Variants in ADSS1 observed in about 807,000 individuals in gnomAD.
ADSS1 encodes adenylosuccinate synthase 1.
A neutral mutation model predicts 59.1 loss-of-function variants in ADSS1; 57 were observed. The ratio of observed to expected loss-of-function variants is 0.97; its 90% confidence interval spans 0.78 to 1.20. The LOEUF is 1.20. Ranked by LOEUF, ADSS1 falls within the 50% of genes most tolerant of loss-of-function variation. The pLI, the probability that ADSS1 is intolerant of heterozygous loss-of-function variation, is 0.00. For missense variants in ADSS1, 603 were observed against 610.3 expected, an observed-to-expected ratio of 0.99 and a Z score of 0.13; for synonymous variants, 247 against 249.4, an observed-to-expected ratio of 0.99 and a Z score of 0.09.
chr14:104,730,765 T>A lies in ADSS1; in HGVS notation c.193-4255T>A, dbSNP rs552747412. Among the ~76,000 whole-genome samples the A allele has an allele frequency of 2.6e-5, 4 of 152,066 alleles. No individual in the cohort carries two copies. The South Asian group carries it at 8.3e-4, about 32-fold the overall frequency. On this transcript the variant is annotated intron_variant, in intron 1 of 12. Transcript: ENST00000330877. ...ATAGGGCTGGCCACAGGGCCGTGCC[T>A]TCCCTGGCCCCCAGAGGGGTGAGTT...
chr14:104,733,453 G>A (rs532974587), intron 1 of ADSS1, among the ~76,000 whole-genome samples: 7 of 152,336 alleles, frequency 4.6e-5, no homozygotes, highest in South Asian at 2.1e-4. Context: ...GCCCTGCCAC[G>A]AGGCGCCGGG....
intron 5 of ADSS1, among the ~76,000 whole-genome samples, 164 bp downstream of exon 5, chr14:104,739,980 C>G (rs968253882): frequency 6.6e-6 from 1 of 152,136 alleles, no homozygotes; most frequent in Non-Finnish European, 1.5e-5. Flanking sequence ...TCACCCAACC[C>G]CCGGACGAGC....
At chr14:104,742,433 G>A (rs575611936) in intron 9 of ADSS1, among the ~76,000 whole-genome samples, 1 of 152,332 alleles carries the variant, frequency 6.6e-6, no homozygotes, top group Non-Finnish European at 1.5e-5. Flanking sequence ...GCTAGAATTG[G>A]GGCTGAAAGC....
At chr14:104,728,614 G>T (rs777065179) in intron 1 of ADSS1, among the ~76,000 whole-genome samples, 25 of 152,212 alleles carry the variant, frequency 1.6e-4, no homozygotes, top group Non-Finnish European at 3.7e-4. Context: ...GGGCGCCAGG[G>T]CCCCTTGCTC....
At chr14:104,736,196 G>A (rs1891115894) in intron 2 of ADSS1, among the ~76,000 whole-genome samples, 2 of 152,240 alleles carry the variant, frequency 1.3e-5, no homozygotes, top group South Asian at 2.1e-4. Flanking sequence ...AGGACAGTGT[G>A]GGGGCGGTCC....
chr14:104,738,393 C>T lies in ADSS1; in HGVS notation c.313C>T (p.His105Tyr), dbSNP rs1318152839. The T allele has an allele frequency of 2.5e-6, 4 of 1,613,910 alleles. No homozygotes were observed. The highest frequency in any genetic ancestry group is 2.7e-5 in the African/African-American group (2 of 74,946). ...TCATGCAGGCAACGGGGTGGTCATC[C>T]ACTTGCCAGGCTTGTTTGAGGAAGC... is the stretch of plus-strand genomic sequence containing the variant. ...VSFIGNGVVI[H>Y]LPGLFEEAEK... The change falls in exon 3 of 13, where the codon CAC becomes TAC. Residue 105 changes from histidine to tyrosine, a missense_variant. Coordinates refer to ENST00000330877, the MANE Select transcript of ADSS1 (RefSeq NM_152328.5).
intron 1 of ADSS1, among the ~76,000 whole-genome samples, chr14:104,724,958 G>A (rs1220034809): frequency 6.6e-6 from 1 of 152,230 alleles, no homozygotes; most frequent in East Asian, 1.9e-4. Context: ...CTGCCTGCTG[G>A]GTGGGGGTGA....
intron 11 of ADSS1, chr14:104,745,785 T>G (rs1343287063): frequency 6.5e-6 from 1 of 154,510 alleles, no homozygotes; most frequent in African/African-American, 2.4e-5. Context: ...ATCTTCCATC[T>G]GTAAGGGTGG....
chr14:104,725,241 G>C (rs1362966626), intron 1 of ADSS1, among the ~76,000 whole-genome samples: 2 of 152,184 alleles, frequency 1.3e-5, no homozygotes, highest in Non-Finnish European at 2.9e-5. Flanking sequence ...CTGCACACTG[G>C]GCACTCTCTC....
At chr14:104,733,668 CGT>C (rs1891013620) in intron 1 of ADSS1, among the ~76,000 whole-genome samples, 1 of 152,094 alleles carries the variant, frequency 6.6e-6, no homozygotes, top group Non-Finnish European at 1.5e-5. Context: ...ATCCCCCATG[CGT>C]AGACAAGTTG....
At position 104,739,322 on chromosome 14, in the gene ADSS1, C is replaced by T. The variant is rs369643536; in HGVS notation, c.359-6C>T. On this transcript the variant is annotated splice_polypyrimidine_tract_variant and splice_region_variant and intron_variant, in intron 3 of 12. Coordinates refer to ENST00000330877, the MANE Select transcript of ADSS1 (RefSeq NM_152328.5). ...ACTGACCCACCTGTGTGCCGTGTCC[C>T]CGCAGGCCTGAAGGACTGGGAGAAG... The T allele has an allele frequency of 7.7e-5, 124 of 1,607,650 alleles. 1 individual carries two copies. The African/African-American group carries it at 1.2e-3, about 16-fold the overall frequency.
chr14:104,726,537 A>G (rs554118818), intron 1 of ADSS1, among the ~76,000 whole-genome samples: 7 of 151,946 alleles, frequency 4.6e-5, no homozygotes, highest in Admixed American at 1.3e-4. Flanking sequence ...GGCTCCCAGC[A>G]CCTCCCCTGT....
At chr14:104,730,087 A>G (rs912405005) in intron 1 of ADSS1, 20 of 1,554,736 alleles carry the variant, frequency 1.3e-5, no homozygotes, top group Non-Finnish European at 1.7e-5. Flanking sequence ...GTGCCTGTGG[A>G]GGCCCAACTA....
At position 104,735,062 on chromosome 14, in the gene ADSS1, GA is replaced by G; in HGVS notation, c.236del (p.Glu79GlyfsTer43). The G allele has an allele frequency of 1.2e-6, 2 of 1,613,692 alleles. No individual in the cohort carries two copies. The highest frequency in any genetic ancestry group is 1.1e-5 in the South Asian group (1 of 91,052). On this transcript the variant is annotated frameshift_variant, in exon 2 of 13. Transcript: ENST00000330877. LOFTEE classifies it high-confidence loss of function. The stretch of plus-strand genomic sequence containing the variant: ...CCACACGGTGGTGGTGGATGGGAAA[GA>G]GTACGACTTCCACCTGCTGCCCAGC... The part of the protein sequence containing the change: ...AGHTVVVDGK[E>X]YDFHLLPSGI...
chr14:104,744,527 G>A (rs967555496), intron 10 of ADSS1: 2 of 331,112 alleles, frequency 6.0e-6, no homozygotes, highest in African/African-American at 2.1e-5. Flanking sequence ...TTCTCACAAG[G>A]AGCATGTGGC....
intron 10 of ADSS1, among the ~76,000 whole-genome samples, chr14:104,743,839 G>A (rs952527844): frequency 6.6e-6 from 1 of 152,252 alleles, no homozygotes. Context: ...TGTGGCGTCT[G>A]GGATCCGTGA....
chr14:104,731,373 TG>T (rs1279706315), intron 1 of ADSS1, among the ~76,000 whole-genome samples: 1 of 152,184 alleles, frequency 6.6e-6, no homozygotes, highest in Non-Finnish European at 1.5e-5. Context: ...GTGTGCAACA[TG>T]GGTGACTGTC....
intron 10 of ADSS1, chr14:104,744,579 C>T (rs769905877): frequency 7.2e-6 from 4 of 557,530 alleles, no homozygotes; most frequent in South Asian, 4.2e-5. Context: ...GGTTCAGGCT[C>T]CTGTGAGAAT....
At chr14:104,727,524 G>A (rs1162885870) in intron 1 of ADSS1, among the ~76,000 whole-genome samples, 1 of 152,050 alleles carries the variant, frequency 6.6e-6, no homozygotes, top group Admixed American at 6.5e-5. Context: ...ACATCACATC[G>A]TCTGCCTGTC....
Sources: gnomAD v4.1 joint callset for allele counts (sites outside exome capture counted in the v4.1 genomes callset) on GRCh38, gnomAD v4.1.1 for gene constraint, MANE v1.5 for transcripts, NCBI Gene and HGNC (gene_info 2026-07-23, HGNC 2026-07-21) for gene names.